ZFHX3: variants seen among roughly 807,000 people sequenced by gnomAD.
The protein encoded by ZFHX3 is zinc finger homeobox protein 3.
A neutral mutation model predicts 279.1 loss-of-function variants in ZFHX3; 42 were observed. The observed-to-expected ratio is 0.15, with a 90% CI of 0.12 to 0.19. The LOEUF is 0.19. Among genes scored for constraint, ZFHX3 ranks in the 10% least tolerant of loss-of-function variants. The pLI, the probability that ZFHX3 is intolerant of heterozygous loss-of-function variation, is 1.00. For synonymous variants in ZFHX3, 2,293 were observed against 1,957.8 expected, an observed-to-expected ratio of 1.17 and a Z score of -4.52; for missense variants, 4,981 against 4,754.0, an observed-to-expected ratio of 1.05 and a Z score of -1.40.
At chr16:73,566,688 CTTTTTTTTT>C (rs35009584) in intron 2 of ZFHX3, among the ~76,000 whole-genome samples, 1 of 120,022 alleles carries the variant, frequency 8.3e-6, no homozygotes, top group Non-Finnish European at 1.7e-5. Flanking sequence ...ACCAAGCTAA[CTTTTTTTTT>C]TTTTTTTTTT....
At chr16:73,681,748 T>C (rs1248111587) in intron 1 of ZFHX3, among the ~76,000 whole-genome samples, 2 of 152,228 alleles carry the variant, frequency 1.3e-5, no homozygotes, top group African/African-American at 4.8e-5. Flanking sequence ...TTATGGTTTT[T>C]ACAGTATTTT....
chr16:73,520,757 T>C (rs913139804), intron 2 of ZFHX3, among the ~76,000 whole-genome samples: 4 of 152,222 alleles, frequency 2.6e-5, no homozygotes, highest in Non-Finnish European at 5.9e-5. Context: ...TTAACATATA[T>C]TTATTTAGCA....
intron 1 of ZFHX3, among the ~76,000 whole-genome samples, chr16:73,741,362 G>C (rs2053656225): frequency 6.6e-6 from 1 of 152,170 alleles, no homozygotes; most frequent in Non-Finnish European, 1.5e-5. Context: ...GAAGTCTCTT[G>C]AGTCTCTGAA....
intron 2 of ZFHX3, among the ~76,000 whole-genome samples, chr16:73,485,423 A>G (rs2018955692): frequency 1.3e-5 from 1 of 79,392 alleles, no homozygotes; most frequent in Admixed American, 1.4e-4. Flanking sequence ...AGGGTGAGGG[A>G]GAAAAAAAAA....
intron 1 of ZFHX3, among the ~76,000 whole-genome samples, chr16:73,741,113 C>A (rs1428867202): frequency 6.7e-6 from 1 of 149,796 alleles, no homozygotes; most frequent in Non-Finnish European, 1.5e-5. Context: ...CTCACTGCAA[C>A]CTCTGCCTCC....
chr16:73,425,013 C>A (rs1326228212), intron 3 of ZFHX3, among the ~76,000 whole-genome samples: 3 of 152,164 alleles, frequency 2.0e-5, no homozygotes, highest in Non-Finnish European at 4.4e-5. Flanking sequence ...GGGAGTGCGT[C>A]TTGCCTGTCC....
At chr16:73,702,272 G>A (rs1597073308) in intron 1 of ZFHX3, among the ~76,000 whole-genome samples, 2 of 152,204 alleles carry the variant, frequency 1.3e-5, no homozygotes, top group Admixed American at 1.3e-4. Flanking sequence ...GTCCTGAGCT[G>A]AAACGTAAGG....
chr16:73,885,205 C>T (rs2030306142), intron 1 of ZFHX3, among the ~76,000 whole-genome samples: 1 of 152,038 alleles, frequency 6.6e-6, no homozygotes, highest in Admixed American at 6.6e-5. Flanking sequence ...GGAAAAAAAC[C>T]TATTTTTCCC....
chr16:72,799,951 T>C, intron 8 of ZFHX3, 76 bp downstream of exon 8: 1 of 1,378,628 alleles, frequency 7.3e-7, no homozygotes, highest in Non-Finnish European at 1.0e-6. Context: ...AAAGAATTCC[T>C]GAAAACCTTT....
chr16:73,740,769 C>T (rs1322674952), intron 1 of ZFHX3, among the ~76,000 whole-genome samples: 5 of 152,120 alleles, frequency 3.3e-5, no homozygotes, highest in African/African-American at 9.7e-5. Flanking sequence ...TTCTCGAGTC[C>T]ATGGTAAATG....
chr16:72,924,230 C>T (rs559932446), intron 3 of ZFHX3, among the ~76,000 whole-genome samples: 1 of 152,176 alleles, frequency 6.6e-6, no homozygotes, highest in Admixed American at 6.5e-5. Context: ...GATTTGATGA[C>T]GCTATACTGC....
chr16:73,647,013 C>CT (rs4003260), intron 2 of ZFHX3, among the ~76,000 whole-genome samples: 8,856 of 146,138 alleles, frequency 0.061, 907 homozygotes, highest in African/African-American at 0.21. Context: ...TTGTGCCAAC[C>CT]TTTTTTTTTT....
At chr16:73,518,183 A>T (rs1008866218) in intron 2 of ZFHX3, among the ~76,000 whole-genome samples, 5 of 152,218 alleles carry the variant, frequency 3.3e-5, no homozygotes, top group African/African-American at 1.2e-4. Context: ...TCAGGGATAC[A>T]GGCAGGTCAC....
At chr16:73,563,938 C>T (rs1031308397) in intron 2 of ZFHX3, among the ~76,000 whole-genome samples, 4 of 152,130 alleles carry the variant, frequency 2.6e-5, no homozygotes, top group Non-Finnish European at 4.4e-5. Flanking sequence ...ATCAACTTCT[C>T]AAGGGACTCA....
chr16:73,718,610 TATTA>T, intron 1 of ZFHX3, among the ~76,000 whole-genome samples: 1 of 70,620 alleles, frequency 1.4e-5, no homozygotes, highest in Non-Finnish European at 3.7e-5. Context: ...TTTATTTATT[TATTA>T]TTTATTTATT....
At chr16:73,378,172 TC>T (rs2016757707) in intron 3 of ZFHX3, among the ~76,000 whole-genome samples, 2 of 151,880 alleles carry the variant, frequency 1.3e-5, no homozygotes, top group African/African-American at 4.8e-5. Flanking sequence ...CACATTTCTT[TC>T]CTGAAAGGCC....
At chr16:72,927,756 C>T (rs949129204) in intron 3 of ZFHX3, among the ~76,000 whole-genome samples, 11 of 152,036 alleles carry the variant, frequency 7.2e-5, no homozygotes, top group Admixed American at 2.0e-4. Flanking sequence ...AGCGCGCTCT[C>T]CCCCACCAAA....
chr16:73,607,094 T>G (rs1425429095), intron 2 of ZFHX3, among the ~76,000 whole-genome samples: 1 of 152,344 alleles, frequency 6.6e-6, no homozygotes, highest in Admixed American at 6.5e-5. Context: ...AATGGCACAC[T>G]CTTGGCTCAC....
intron 3 of ZFHX3, among the ~76,000 whole-genome samples, chr16:72,916,530 TG>T (rs748619089): frequency 1.3e-5 from 2 of 152,226 alleles, no homozygotes; most frequent in Non-Finnish European, 2.9e-5. Flanking sequence ...AAAAGTCATA[TG>T]GGGAAGAAAC....
Sources: allele counts gnomAD v4.1 joint callset (sites outside exome capture counted in the v4.1 genomes callset), GRCh38; gene constraint gnomAD v4.1.1; transcripts MANE v1.5; gene names NCBI Gene and HGNC (gene_info 2026-07-23, HGNC 2026-07-21).